Variants in GRIA3 observed in about 807,000 individuals in gnomAD.
GRIA3 encodes the protein glutamate ionotropic receptor AMPA type subunit 3.
In GRIA3, 3 loss-of-function variants were observed where a neutral mutation model predicts 63.0. The observed-to-expected ratio is 0.05, with a 90% confidence interval of 0.02 to 0.12. The LOEUF (loss-of-function observed/expected upper bound fraction) is 0.12, where lower values mean the gene tolerates loss of function less well. Ranked by LOEUF, GRIA3 falls within the 10% of genes least tolerant of loss-of-function variation. The pLI, the probability that GRIA3 is intolerant of heterozygous loss-of-function variation, is 1.00. For synonymous variants in GRIA3, 274 were observed against 257.9 expected (o/e 1.06, Z -0.60); for missense variants, 347 against 700.9 (o/e 0.50, Z 5.70).
At position 123,489,800 on chromosome X, in the gene GRIA3, C is replaced by T. The variant is rs897745553; in HGVS notation, c.*1090C>T. 8.9e-6 allele frequency: 1 copy of T among 112,447 alleles called. No individual in the cohort carries two copies. Among genetic ancestry groups the T allele is most frequent in the Non-Finnish European group, 1.9e-5 (1 of 53,208 alleles). 9.3% of individuals were successfully genotyped at this position (112,447 alleles called of 1,213,427 possible). ...GCAGGTTCAGACCACAGTTCTCAGTCTGACTTTACTCTTGCTAGGTCTGTC... is the reference window on the plus strand; with the variant it reads ...GCAGGTTCAGACCACAGTTCTCAGTTTGACTTTACTCTTGCTAGGTCTGTC... On this transcript the variant is annotated 3_prime_UTR_variant, in exon 16 of 16. Coordinates refer to ENST00000620443, the MANE Select transcript of GRIA3 (RefSeq NM_007325.5).
intron 13 of GRIA3, among the ~76,000 whole-genome samples, chrX:123,467,255 G>A (rs1243602304): frequency 8.9e-6 from 1 of 112,276 alleles, no homozygotes; most frequent in Non-Finnish European, 1.9e-5. Context: ...CATCTGGATT[G>A]ACCCTCAAAC....
chrX:123,272,764 G>A (rs2044531410), intron 3 of GRIA3, among the ~76,000 whole-genome samples: 2 of 111,559 alleles, frequency 1.8e-5, no homozygotes, highest in South Asian at 7.5e-4. Flanking sequence ...TTACACACCC[G>A]TTCTCTTTCC....
At chrX:123,292,582 T>C (rs2044662751) in intron 3 of GRIA3, among the ~76,000 whole-genome samples, 2 of 111,219 alleles carry the variant, frequency 1.8e-5, no homozygotes, top group Admixed American at 1.9e-4. Context: ...GGGGATTCTC[T>C]CTCCAAGGAA....
intron 6 of GRIA3, among the ~76,000 whole-genome samples, chrX:123,395,545 C>T (rs760148939): frequency 9.0e-6 from 1 of 111,724 alleles, no homozygotes; most frequent in African/African-American, 3.3e-5. Context: ...AATCTCAGTA[C>T]ACCCAAGTGA....
chrX:123,214,818 G>A (rs1448637028), intron 2 of GRIA3, among the ~76,000 whole-genome samples: 2 of 112,178 alleles, frequency 1.8e-5, no homozygotes. Flanking sequence ...CATACACTTT[G>A]AGAATGTGCT....
intron 2 of GRIA3, among the ~76,000 whole-genome samples, chrX:123,212,822 C>T (rs756959158): frequency 6.3e-5 from 7 of 111,753 alleles, no homozygotes; most frequent in Non-Finnish European, 1.3e-4. Context: ...CTTAAATCTT[C>T]AGCAAACCTA....
At chrX:123,268,448 T>G (rs2044500677) in intron 3 of GRIA3, among the ~76,000 whole-genome samples, 1 of 109,312 alleles carries the variant, frequency 9.1e-6, no homozygotes, top group African/African-American at 3.3e-5. Context: ...CTTCCATTTT[T>G]TATTCCTTTT....
intron 3 of GRIA3, among the ~76,000 whole-genome samples, chrX:123,288,900 C>T (rs2044638298): frequency 9.0e-6 from 1 of 111,512 alleles, no homozygotes; most frequent in African/African-American, 3.3e-5. Flanking sequence ...ACCATTTGAC[C>T]CAGCAATCGC....
chrX:123,433,207 A>G (rs2045628256), intron 12 of GRIA3, among the ~76,000 whole-genome samples: 1 of 112,091 alleles, frequency 8.9e-6, no homozygotes, highest in Non-Finnish European at 1.9e-5. Flanking sequence ...GGGAAATAGT[A>G]CTGTTTTAAT....
At position 123,204,393 on chromosome X, in the gene GRIA3, G is replaced by A; in HGVS notation, c.268+18403G>A. The A allele has an allele frequency of 2.6e-6, 3 of 1,155,099 alleles. No homozygotes were observed. In the African/African-American group the frequency reaches 5.4e-5, roughly 21 times the overall value. On this transcript the variant is annotated intron_variant, in intron 2 of 15. Transcript: ENST00000620443. Reference sequence around the variant, plus strand: ...TGCTGAACAATATTTTACCTTTCCTGTTCAAGGCGTTACAGGTGAACTGTA... The same window carrying A: ...TGCTGAACAATATTTTACCTTTCCTATTCAAGGCGTTACAGGTGAACTGTA...
At chrX:123,390,416 T>TTTTTG (rs781434413) in intron 5 of GRIA3, among the ~76,000 whole-genome samples, 340 of 111,936 alleles carry the variant, frequency 3.0e-3, no homozygotes, top group African/African-American at 0.01. Context: ...GCCAGGTGTT[T>TTTTTG]TTTTGTTTTG....
rs746428230 is a variant in GRIA3 at position 123,185,935 on chromosome X, G to A, written c.213G>A (p.Leu71=). 13 of 1,204,043 alleles carry A rather than the reference G, an allele frequency of 1.1e-5. No individual in the cohort carries two copies. The East Asian group carries it at 3.6e-4, about 33-fold the overall frequency. The part of the protein sequence containing the change: ...NQNTTEKPFH[L]NYHVDHLDSS... ...ACACCACCGAGAAGCCCTTCCATTT[G>A]AATTACCACGTAGATCACTTGGATT... The change falls in exon 2 of 16, where the codon TTG becomes TTA. Residue 71 remains leucine, a synonymous_variant. Transcript: ENST00000620443.
In GRIA3 at chrX:123,302,056, G is replaced by A. The variant is rs767746868; in HGVS notation, c.509-23970G>A. 1.1e-4 allele frequency among the ~76,000 whole-genome samples: 12 copies of A among 112,087 alleles called. No individual in the cohort carries two copies. In the South Asian group the frequency reaches 2.2e-3, roughly 21 times the overall value. ...AGGCTGCACAAGGCCTAGAATAAAC[G>A]TATCTGGCCCTCATGAGCCTGGTAT... On this transcript the variant is annotated intron_variant, in intron 3 of 15. Coordinates refer to ENST00000620443, the MANE Select transcript of GRIA3 (RefSeq NM_007325.5).
In GRIA3 at chrX:123,288,779, G is replaced by A. The variant is rs778605633; in HGVS notation, c.508+35237G>A. On this transcript the variant is annotated intron_variant, in intron 3 of 15. Transcript: ENST00000620443. ...AAAAGTCAGGAAACAACAGATGCTGGAGAGGATGTGGAGAAATAGGAATGC... is the reference window on the plus strand; with the variant it reads ...AAAAGTCAGGAAACAACAGATGCTGAAGAGGATGTGGAGAAATAGGAATGC... Among the ~76,000 whole-genome samples the A allele has an allele frequency of 3.6e-5, 4 of 112,177 alleles. No individual in the cohort carries two copies. In the East Asian group the frequency reaches 1.1e-3, roughly 32 times the overall value.
intron 2 of GRIA3, among the ~76,000 whole-genome samples, chrX:123,238,236 C>G (rs1357491120): frequency 9.0e-6 from 1 of 111,680 alleles, no homozygotes; most frequent in Admixed American, 9.5e-5. Flanking sequence ...CCATCTGAGA[C>G]AGTGGGAGCA....
intron 15 of GRIA3, among the ~76,000 whole-genome samples, chrX:123,483,947 G>T (rs753659482): frequency 9.0e-6 from 1 of 111,287 alleles, no homozygotes; most frequent in Non-Finnish European, 1.9e-5. Flanking sequence ...AAAAAATTAG[G>T]TACACAGGTG....
chrX:123,325,155 T>C (rs1378361698), intron 3 of GRIA3, among the ~76,000 whole-genome samples: 3 of 112,202 alleles, frequency 2.7e-5, no homozygotes, highest in East Asian at 2.8e-4. Flanking sequence ...AGCGAAACTA[T>C]AGACACAATG....
chrX:123,338,749 A>G (rs2044990499), intron 4 of GRIA3, among the ~76,000 whole-genome samples: 1 of 111,175 alleles, frequency 9.0e-6, no homozygotes. Context: ...ACGGGGTTTT[A>G]CCATACTGGT....
At chrX:123,185,773 T>G in intron 1 of GRIA3, 59 bp from the exon 2 acceptor site, 2 of 1,024,672 alleles carry the variant, frequency 2.0e-6, no homozygotes, top group Non-Finnish European at 2.8e-6. Flanking sequence ...GTTCCCCAAT[T>G]CCTAACTGGC....
Sources: gnomAD v4.1 joint callset for allele counts (sites outside exome capture counted in the v4.1 genomes callset) on GRCh38, gnomAD v4.1.1 for gene constraint, MANE v1.5 for transcripts, NCBI Gene and HGNC (gene_info 2026-07-23, HGNC 2026-07-21) for gene names.